MRPL43: variants seen among roughly 807,000 people sequenced by gnomAD.
MRPL43 encodes mitochondrial ribosomal protein L43.
In MRPL43, 9 loss-of-function variants were observed where a neutral mutation model predicts 12.7. The observed-to-expected ratio is 0.71, with a 90% CI of 0.43 to 1.24. The LOEUF is 1.24. Ranked by LOEUF, MRPL43 falls within the 50% of genes most tolerant of loss-of-function variation. The probability of loss-of-function intolerance (pLI) is 0.00; values close to 1 mark genes in which losing one functional copy is unlikely to be tolerated. For synonymous variants in MRPL43, 116 were observed against 96.4 expected (o/e 1.20, Z -1.19); for missense variants, 211 against 229.2 (o/e 0.92, Z 0.51).
At position 100,986,519 on chromosome 10, in the gene MRPL43, G is replaced by T; in HGVS notation, c.*215C>A. On this transcript the variant is annotated 3_prime_UTR_variant, in exon 3 of 3. Transcript: ENST00000318364. ...CTTCCTCATCTCAGGTTTTAGGGAT[G>T]CCACTTGCATAAAAATGAGTGGTTC... The T allele has an allele frequency of 1.9e-6, 3 of 1,551,956 alleles. No individual in the cohort carries two copies. Among genetic ancestry groups the T allele is most frequent in the Non-Finnish European group, 2.6e-6 (3 of 1,147,494 alleles).
chr10:100,979,274 C>A, downstream of MRPL43: 2 of 1,614,128 alleles, frequency 1.2e-6, no homozygotes, highest in South Asian at 2.2e-5. Flanking sequence ...ACACAGTGGT[C>A]AGTGCAGGGA....
downstream of MRPL43, chr10:100,984,435 A>T (rs1851318174): frequency 6.7e-7 from 1 of 1,493,930 alleles, no homozygotes; most frequent in African/African-American, 1.4e-5. Flanking sequence ...CTTATAGGTG[A>T]GGACTCCATC....
downstream of MRPL43, chr10:100,979,232 G>A (rs749963260): frequency 4.4e-5 from 71 of 1,614,034 alleles, no homozygotes; most frequent in African/African-American, 5.3e-5. Flanking sequence ...ACCTCAAGCC[G>A]TACACACTTC....
rs910792081 is a variant in MRPL43 at position 100,987,276 on chromosome 10, C to A, written c.131+37G>T. 3.1e-6 allele frequency: 5 copies of A among 1,611,720 alleles called. No homozygotes were observed. In the African/African-American group the frequency reaches 4.0e-5, roughly 13 times the overall value. On this transcript the variant is annotated intron_variant, in intron 1 of 2. Coordinates refer to ENST00000318364, the MANE Select transcript of MRPL43 (RefSeq NM_032112.3). ...GGGGAGTCGTTGCCACCTCCACACC[C>A]ACCCCGACCCGCGCCTGCGCACTTC...
downstream of MRPL43, chr10:100,979,229 G>A (rs1161933809): frequency 6.2e-7 from 1 of 1,614,202 alleles, no homozygotes; most frequent in Admixed American, 1.7e-5. Flanking sequence ...GAAACCTCAA[G>A]CCGTACACAC....
chr10:100,981,156 C>T (rs369318588), downstream of MRPL43: 13 of 1,614,034 alleles, frequency 8.1e-6, no homozygotes, highest in African/African-American at 1.6e-4. Context: ...AAAACCTGAT[C>T]TTCTGTCCCA....
At chr10:100,984,132 G>T (rs1012519597), downstream of MRPL43, 6 of 1,604,184 alleles carry the variant, frequency 3.7e-6, no homozygotes, top group Non-Finnish European at 5.1e-6. Flanking sequence ...CTCTGTCTGA[G>T]CCCAGCCTCC....
downstream of MRPL43, chr10:100,979,728 G>A: frequency 3.6e-6 from 4 of 1,107,450 alleles, no homozygotes; most frequent in Non-Finnish European, 5.3e-6. Context: ...TCACAGGAGA[G>A]GCCCTGTGGG....
downstream of MRPL43, among the ~76,000 whole-genome samples, chr10:100,982,520 C>T (rs1447814242): frequency 2.6e-5 from 4 of 152,186 alleles, no homozygotes; most frequent in Admixed American, 2.6e-4. Flanking sequence ...GGGCCGGGCA[C>T]GGTGGCTCAT....
chr10:100,981,634 A>G, downstream of MRPL43: 2 of 1,467,424 alleles, frequency 1.4e-6, no homozygotes, highest in Non-Finnish European at 1.9e-6. Flanking sequence ...TCTATGCATG[A>G]TGTCATCTAC....
At chr10:100,983,898 G>GCGC, downstream of MRPL43, 2 of 1,523,104 alleles carry the variant, frequency 1.3e-6, no homozygotes, top group Non-Finnish European at 1.8e-6. Flanking sequence ...TGGGGAGGGA[G>GCGC]CCCCAGCCCC....
chr10:100,979,352 A>G, downstream of MRPL43: 1 of 1,612,522 alleles, frequency 6.2e-7, no homozygotes, highest in South Asian at 1.1e-5. Flanking sequence ...ATGAGATAGG[A>G]TCCACTGTGG....
At chr10:100,982,399 G>A (rs1197540218), downstream of MRPL43, among the ~76,000 whole-genome samples, 1 of 152,218 alleles carries the variant, frequency 6.6e-6, no homozygotes, top group Non-Finnish European at 1.5e-5. Context: ...ATGAAGAATG[G>A]ATTACATGGG....
downstream of MRPL43, chr10:100,979,441 G>A: frequency 6.6e-7 from 1 of 1,515,504 alleles, no homozygotes; most frequent in Non-Finnish European, 8.8e-7. Flanking sequence ...GGAGTGCAGT[G>A]GCGCGATCTC....
downstream of MRPL43, chr10:100,984,783 G>A: frequency 6.5e-7 from 1 of 1,535,846 alleles, no homozygotes; most frequent in Non-Finnish European, 8.7e-7. Context: ...CAAGAGCTTG[G>A]GAACGGGCCA....
chr10:100,979,260 G>A (rs1313225853), downstream of MRPL43: 3 of 1,614,052 alleles, frequency 1.9e-6, no homozygotes, highest in Non-Finnish European at 2.5e-6. Context: ...CCTTCACGCT[G>A]AGCACACAGT....
chr10:100,978,377 G>T (rs1850892457), downstream of MRPL43: 1 of 1,613,214 alleles, frequency 6.2e-7, no homozygotes, highest in Non-Finnish European at 8.5e-7. Context: ...GGCTTCACAG[G>T]CCTCATCATT....
At chr10:100,982,039 C>T (rs994346093), downstream of MRPL43, among the ~76,000 whole-genome samples, 3 of 134,984 alleles carry the variant, frequency 2.2e-5, no homozygotes, top group African/African-American at 8.6e-5. Context: ...GCCTGGATAA[C>T]AGAGTGAGAC....
downstream of MRPL43, chr10:100,980,012 G>A (rs1850985709): frequency 6.2e-7 from 1 of 1,613,924 alleles, no homozygotes; most frequent in Non-Finnish European, 8.5e-7. Flanking sequence ...CAGGCCTGGG[G>A]CCAGTGCTGA....
Sources: gnomAD v4.1 joint callset for allele counts (sites outside exome capture counted in the v4.1 genomes callset) on GRCh38, gnomAD v4.1.1 for gene constraint, MANE v1.5 for transcripts, NCBI Gene and HGNC (gene_info 2026-07-23, HGNC 2026-07-21) for gene names.